The following TBC1D1 variants were observed in gnomAD, a reference collection of about 807,000 sequenced individuals.
TBC1D1 encodes the protein TBC1 (tre-2/USP6, BUB2, cdc16) domain family, member 1.
In TBC1D1, 89 loss-of-function variants were observed where a neutral mutation model predicts 125.6. The observed-to-expected ratio is 0.71, with a 90% CI of 0.60 to 0.85. The LOEUF is 0.85. Among genes scored for constraint, TBC1D1 ranks in the 40% least tolerant of loss-of-function variants. TBC1D1 has a pLI of 0.00. For synonymous variants in TBC1D1, 565 were observed against 564.1 expected (o/e 1.00, Z -0.02); for missense variants, 1,377 against 1,469.2 (o/e 0.94, Z 1.03).
In TBC1D1 at chr4:38,055,408, T is replaced by C. The variant is rs141694583; in HGVS notation, c.2050+1070T>C. Among the ~76,000 whole-genome samples, 7 of 152,338 alleles carry C rather than the reference T, an allele frequency of 4.6e-5. No homozygotes were observed. The East Asian group carries it at 1.3e-3, about 29-fold the overall frequency. ...GGATTAATTATGCCTGTTGCCACACTGATAGAGACAAGGCAGCATGATATC... is the reference window on the plus strand; with the variant it reads ...GGATTAATTATGCCTGTTGCCACACCGATAGAGACAAGGCAGCATGATATC... On this transcript the variant is annotated intron_variant, in intron 12 of 19. Transcript: ENST00000261439.
At chr4:38,092,827 T>A (rs1758652899) in intron 13 of TBC1D1, among the ~76,000 whole-genome samples, 1 of 152,064 alleles carries the variant, frequency 6.6e-6, no homozygotes, top group South Asian at 2.1e-4. Context: ...CAGCTTGGGA[T>A]GCAAGGCAGG....
intron 3 of TBC1D1, 151 bp from the exon 4 acceptor site, chr4:38,018,203 T>C: frequency 1.6e-6 from 1 of 626,378 alleles, no homozygotes; most frequent in East Asian, 3.0e-5. Context: ...TCTTATGACC[T>C]GAAATCCAGA....
rs1745365953 is a variant in TBC1D1 at position 38,027,880 on chromosome 4, G to T, written c.1302+1G>T. The T allele has an allele frequency of 1.9e-6, 3 of 1,593,648 alleles. No homozygotes were observed. Among genetic ancestry groups the T allele is most frequent in the Non-Finnish European group, 2.6e-6 (3 of 1,168,486 alleles). The stretch of plus-strand genomic sequence containing the variant: ...GGCGACTATTTTTGAAGAGGTTCAG[G>T]TACAGTACAGTTGCTAATTTCTAGA... On this transcript the variant is annotated splice_donor_variant, in intron 7 of 19. Coordinates refer to ENST00000261439, the MANE Select transcript of TBC1D1 (RefSeq NM_015173.4). LOFTEE classifies it high-confidence loss of function.
intron 2 of TBC1D1, among the ~76,000 whole-genome samples, chr4:37,931,540 C>T (rs1188511384): frequency 6.6e-6 from 1 of 151,962 alleles, no homozygotes; most frequent in Non-Finnish European, 1.5e-5. Flanking sequence ...TACAGTGGTG[C>T]GATCTCAGCT....
chr4:38,061,218 T>A (rs1752679636), intron 12 of TBC1D1, among the ~76,000 whole-genome samples: 1 of 152,176 alleles, frequency 6.6e-6, no homozygotes, highest in Non-Finnish European at 1.5e-5. Flanking sequence ...CCTTATCTCT[T>A]ATGGAGCACA....
At chr4:38,051,875 G>C (rs947197891) in intron 11 of TBC1D1, 24 bp from the exon 12 acceptor site, 31 of 1,538,838 alleles carry the variant, frequency 2.0e-5, no homozygotes, top group African/African-American at 8.2e-5. Context: ...TAACCCCCCC[G>C]TGCTTTCTCT....
At chr4:37,985,492 C>A (rs138664551) in intron 2 of TBC1D1, among the ~76,000 whole-genome samples, 3 of 152,234 alleles carry the variant, frequency 2.0e-5, no homozygotes, top group African/African-American at 7.2e-5. Flanking sequence ...AGGCTCTGTT[C>A]TTTTACATTG....
chr4:38,115,822 C>T lies in TBC1D1; in HGVS notation c.2670C>T (p.Cys890=), dbSNP rs757025697. The T allele has an allele frequency of 6.2e-7, 1 of 1,614,120 alleles. No individual in the cohort carries two copies. The highest frequency in any genetic ancestry group is 1.7e-5 in the Admixed American group (1 of 60,014). Residue 890 remains cysteine, a synonymous_variant, in exon 16 of 20, where the codon TGC becomes TGT. Coordinates refer to ENST00000261439, the MANE Select transcript of TBC1D1 (RefSeq NM_015173.4). ...TTCTAGACCAGGAAGTGGGATATTG[C>T]CAAGGTCTCAGCTTTGTAGCAGGCA...
rs1012168061 is a variant in TBC1D1 at position 38,049,645 on chromosome 4, T to C, written c.1657T>C (p.Leu553=). 2 of 1,612,168 alleles carry C rather than the reference T, an allele frequency of 1.2e-6. No homozygotes were observed. The highest frequency in any genetic ancestry group is 1.7e-5 in the Admixed American group (1 of 59,882). ...GCCATCTGTGTGTGAAAAGGAGGCC[T>C]TGCCCATCTCTGAGAGCTCCTTTAA... The change falls in exon 11 of 20, where the codon TTG becomes CTG. Residue 553 remains leucine, a synonymous_variant. Transcript: ENST00000261439.
intron 12 of TBC1D1, among the ~76,000 whole-genome samples, chr4:38,068,263 C>T (rs1277064050): frequency 3.3e-5 from 5 of 152,204 alleles, no homozygotes. Context: ...TGGCTGGTCA[C>T]GTGCAGCCAC....
chr4:38,021,380 C>T (rs1367799260), intron 5 of TBC1D1, among the ~76,000 whole-genome samples: 1 of 152,206 alleles, frequency 6.6e-6, no homozygotes, highest in Non-Finnish European at 1.5e-5. Flanking sequence ...ATTTACCTTA[C>T]CTGCTTTAAG....
At chr4:38,036,988 C>T (rs1031026841) in intron 8 of TBC1D1, among the ~76,000 whole-genome samples, 1 of 152,116 alleles carries the variant, frequency 6.6e-6, no homozygotes, top group Non-Finnish European at 1.5e-5. Flanking sequence ...CTTTTCCACT[C>T]CCTTTTTCCC....
At chr4:38,105,133 A>G (rs554056186) in intron 15 of TBC1D1, among the ~76,000 whole-genome samples, 1 of 151,952 alleles carries the variant, frequency 6.6e-6, no homozygotes, top group East Asian at 1.9e-4. Context: ...CCACCTCAAG[A>G]CTGGATGAGG....
At chr4:38,009,142 C>T (rs1158797240) in intron 2 of TBC1D1, among the ~76,000 whole-genome samples, 1 of 152,138 alleles carries the variant, frequency 6.6e-6, no homozygotes, top group African/African-American at 2.4e-5. Context: ...TTCCTTTATA[C>T]CTTACGACCA....
In TBC1D1 at chr4:37,995,313, A is replaced by C. The variant is rs1049704940; in HGVS notation, c.418-19196A>C. Among the ~76,000 whole-genome samples the C allele has an allele frequency of 6.6e-6, 1 of 152,220 alleles. No homozygotes were observed. Among genetic ancestry groups the C allele is most frequent in the South Asian group, 2.1e-4 (1 of 4,834 alleles). On this transcript the variant is annotated intron_variant, in intron 2 of 19. Coordinates refer to ENST00000261439, the MANE Select transcript of TBC1D1 (RefSeq NM_015173.4). The surrounding 1 kb of genome is among the most constrained non-coding windows in gnomAD (Gnocchi z 4.3). ...GAAACTTCGTTGTCTGTGCAACTTCATACTGTTTCATTCTTGTCCTGTATA... is the reference window on the plus strand; with the variant it reads ...GAAACTTCGTTGTCTGTGCAACTTCCTACTGTTTCATTCTTGTCCTGTATA...
intron 2 of TBC1D1, among the ~76,000 whole-genome samples, chr4:37,956,373 A>G (rs1728934535): frequency 6.6e-6 from 1 of 151,746 alleles, no homozygotes; most frequent in African/African-American, 2.4e-5. Flanking sequence ...TCGTTGTCTG[A>G]CTCTCTTTTC....
At position 38,072,612 on chromosome 4, in the gene TBC1D1, T is replaced by A. The variant is rs555099042; in HGVS notation, c.2051-17320T>A. 2.0e-4 allele frequency among the ~76,000 whole-genome samples: 31 copies of A among 151,884 alleles called. No individual in the cohort carries two copies. The East Asian group carries it at 2.3e-3, about 11-fold the overall frequency. On this transcript the variant is annotated intron_variant, in intron 12 of 19. Transcript: ENST00000261439. ...GTTAAGAGTATAGATTTAAAAAAAA[T>A]TTTTTATTGTGGTAAAAAACATAAA... is the stretch of plus-strand genomic sequence containing the variant.
chr4:38,137,093 A>G, intron 19 of TBC1D1, 42 bp from the exon 22 acceptor site: 1 of 1,611,522 alleles, frequency 6.2e-7, no homozygotes, highest in Non-Finnish European at 8.5e-7. Context: ...CACCTGTGTT[A>G]GCACTGGCAA....
Position 37,995,930 on chromosome 4 carries a change from G to A in TBC1D1, c.418-18579G>A. On this transcript the variant is annotated intron_variant, in intron 2 of 19. Coordinates refer to ENST00000261439, the MANE Select transcript of TBC1D1 (RefSeq NM_015173.4). This position sits in a 1 kb window ranked among gnomAD's most constrained non-coding sequence, Gnocchi z 4.3. ...GCGACAGGACCTTCTCATTCCCAGG[G>A]AGAAATCCACACTCAAGGACTTCTT... The A allele has an allele frequency of 1.7e-6, 1 of 579,566 alleles. No individual in the cohort carries two copies. The highest frequency in any genetic ancestry group is 3.4e-6 in the Non-Finnish European group (1 of 294,596). 35.9% of individuals were successfully genotyped at this position (579,566 alleles called of 1,614,324 possible).
Sources: gnomAD v4.1 joint callset for allele counts (sites outside exome capture counted in the v4.1 genomes callset) on GRCh38, gnomAD v4.1.1 for gene constraint, Gnocchi (gnomAD v3.1) non-coding constraint, MANE v1.5 for transcripts, NCBI Gene and HGNC (gene_info 2026-07-23, HGNC 2026-07-21) for gene names.